Variants in IGSF22 observed in about 807,000 individuals in gnomAD.
IGSF22 encodes immunoglobulin superfamily member 22.
Under a neutral mutation model 127.0 loss-of-function variants are expected in IGSF22, and 119 were observed. The observed-to-expected ratio is 0.94, with a 90% CI of 0.81 to 1.09. The LOEUF (loss-of-function observed/expected upper bound fraction) is 1.09, where lower values mean the gene tolerates loss of function less well. Ranked by LOEUF, IGSF22 falls within the 50% of genes least tolerant of loss-of-function variation. IGSF22 has a pLI of 0.00. For synonymous variants in IGSF22, 568 were observed against 664.7 expected, an observed-to-expected ratio of 0.85 and a Z score of 2.24; for missense variants, 1,518 against 1,716.6, an observed-to-expected ratio of 0.88 and a Z score of 2.04.
At chr11:18,722,626 A>AT (rs1425988749) in intron 2 of IGSF22, among the ~76,000 whole-genome samples, 1 of 148,190 alleles carries the variant, frequency 6.7e-6, no homozygotes. Context: ...GGAAAACAAA[A>AT]AAAACTGTTT....
intron 15 of IGSF22, 140 bp from the exon 16 acceptor site, chr11:18,710,968 G>T: frequency 2.8e-6 from 2 of 724,612 alleles, no homozygotes; most frequent in South Asian, 2.0e-5. Context: ...TAGAGACAAG[G>T]TCTCACTCTG....
Position 18,709,776 on chromosome 11 carries a change from C to T in IGSF22, c.2702-93G>A. The T allele has an allele frequency of 7.9e-7, 1 of 1,269,270 alleles. No homozygotes were observed. The highest frequency in any genetic ancestry group is 1.5e-5 in the South Asian group (1 of 67,964). 78.6% of individuals were successfully genotyped at this position (1,269,270 alleles called of 1,614,324 possible). ...ACACTCAATACTCCTGAACCCCATC[C>T]TTCACTACTTCTAGCTCCAGATCCC... On this transcript the variant is annotated intron_variant, in intron 17 of 22. Transcript: ENST00000513874. The surrounding 1 kb of genome is among the most constrained non-coding windows in gnomAD (Gnocchi z 4.8).
At chr11:18,705,384 C>A in intron 22 of IGSF22, 1 of 175,658 alleles carries the variant, frequency 5.7e-6, no homozygotes, top group Non-Finnish European at 1.2e-5. Flanking sequence ...CGCTCCTTCC[C>A]TTGTTTGTGC....
At position 18,706,994 on chromosome 11, in the gene IGSF22, AAGT is replaced by A. The variant is rs1848248923; in HGVS notation, c.3497_3499del (p.Tyr1166del). 4 of 1,550,692 alleles carry A rather than the reference AAGT, an allele frequency of 2.6e-6. No homozygotes were observed. Among genetic ancestry groups the A allele is most frequent in the Non-Finnish European group, 2.6e-6 (3 of 1,146,452 alleles). The stretch of plus-strand genomic sequence containing the variant: ...GATTTCATTCCGAGCCACCACTCTG[AAGT>A]AGTACTTCCTGCCTGGGAGCAGCCC... On this transcript the variant is annotated inframe_deletion, in exon 21 of 23. Coordinates refer to ENST00000513874, the MANE Select transcript of IGSF22 (RefSeq NM_173588.4).
chr11:18,716,052 G>A lies in IGSF22; in HGVS notation c.1247-336C>T, dbSNP rs1033768393. On this transcript the variant is annotated intron_variant, in intron 10 of 22. Transcript: ENST00000513874. The surrounding 1 kb of genome is among the most constrained non-coding windows in gnomAD (Gnocchi z 4.5). ...ACCTGCATTGTCTTTCTAATGTCTG[G>A]ACATTTATACATGCTATTACCTCTG... Among the ~76,000 whole-genome samples the A allele has an allele frequency of 3.3e-5, 5 of 152,062 alleles. No homozygotes were observed. The highest frequency in any genetic ancestry group is 6.5e-5 in the Admixed American group (1 of 15,270).
chr11:18,708,829 TTC>T (rs1457741211), intron 18 of IGSF22, among the ~76,000 whole-genome samples: 1 of 152,254 alleles, frequency 6.6e-6, no homozygotes. Context: ...CCAGCCATTA[TTC>T]CAGAGATCAC....
chr11:18,719,329 T>TTG (rs546054751), intron 7 of IGSF22, among the ~76,000 whole-genome samples: 6 of 100,892 alleles, frequency 5.9e-5, no homozygotes, highest in East Asian at 5.1e-4. Flanking sequence ...TGTTTTTTTT[T>TTG]GTTTTTTTTG....
At chr11:18,710,176 T>C (rs1848324296) in intron 17 of IGSF22, 151 bp downstream of exon 17, 5 of 1,010,078 alleles carry the variant, frequency 5.0e-6, no homozygotes, top group Non-Finnish European at 7.3e-6. Flanking sequence ...CTTTCTCTTG[T>C]GTGTGAATCT....
chr11:18,725,980 C>T (rs1001130191), intron 1 of IGSF22, 94 bp downstream of exon 1: 3 of 152,478 alleles, frequency 2.0e-5, no homozygotes, highest in African/African-American at 7.2e-5. Context: ...AGACTACTCC[C>T]CTGTTCCTAT....
chr11:18,716,742 T>G lies in IGSF22; in HGVS notation c.1232A>C (p.Gln411Pro). The change falls in exon 10 of 23, where the codon CAG (glutamine) becomes CCG (proline). Residue 411 changes from glutamine (Q) to proline (P), a missense_variant. Transcript: ENST00000513874. This position sits in a 1 kb window ranked among gnomAD's most constrained non-coding sequence, Gnocchi z 4.5. ...AEAGNLVQKAQLTVDRIPIKF... is the reference protein window; with the variant it reads ...AEAGNLVQKAPLTVDRIPIKF... ...CAACCACTCACGGTCAACAGTGAGC[T>G]GGGCCTTTTGTACCAGGTTCCCCGC... is the stretch of plus-strand genomic sequence containing the variant. The G allele has an allele frequency of 6.2e-7, 1 of 1,614,096 alleles. No individual in the cohort carries two copies. Among genetic ancestry groups the G allele is most frequent in the East Asian group, 2.2e-5 (1 of 44,882 alleles).
chr11:18,715,724 C>T lies in IGSF22; in HGVS notation c.1247-8G>A, dbSNP rs374696355. The T allele has an allele frequency of 1.1e-4, 169 of 1,601,960 alleles. 1 individual carries two copies. The highest frequency in any genetic ancestry group is 1.4e-4 in the Non-Finnish European group (169 of 1,173,774). Reference sequence around the variant, plus strand: ...CAAACTTGATGGGGATGCCTGTGGACAGACAGACACTTGGGCCTGCTCCCA... The same window carrying T: ...CAAACTTGATGGGGATGCCTGTGGATAGACAGACACTTGGGCCTGCTCCCA... On this transcript the variant is annotated splice_polypyrimidine_tract_variant and splice_region_variant and intron_variant, in intron 10 of 22. Transcript: ENST00000513874.
chr11:18,714,455 C>T, intron 12 of IGSF22, 37 bp from the exon 13 acceptor site: 4 of 1,614,130 alleles, frequency 2.5e-6, no homozygotes, highest in Non-Finnish European at 3.4e-6. Flanking sequence ...TGAGCATAGG[C>T]CAGGTCTACC....
intron 22 of IGSF22, 119 bp from the exon 23 acceptor site, chr11:18,704,657 G>T: frequency 1.4e-6 from 1 of 691,010 alleles, no homozygotes; most frequent in Middle Eastern, 2.4e-4. Flanking sequence ...TTAATCTTGG[G>T]TTGGCAGAGT....
chr11:18,724,022 G>A (rs1415927144), intron 2 of IGSF22, 106 bp downstream of exon 2: 2 of 773,050 alleles, frequency 2.6e-6, no homozygotes, highest in Non-Finnish European at 4.4e-6. Flanking sequence ...GGTATTGTGG[G>A]CTCCAGAGGG....
Position 18,712,171 on chromosome 11 carries a change from T to C in IGSF22, c.2309A>G (p.Lys770Arg). 6.4e-7 allele frequency: 1 copy of C among 1,551,732 alleles called. No homozygotes were observed. Among genetic ancestry groups the C allele is most frequent in the South Asian group, 1.2e-5 (1 of 84,060 alleles). ...NFSTNKVEEG[K>R]AYQFRILAVN... Reference sequence around the variant, plus strand: ...TGCCAGGATACGGAACTGGTAGGCTTTTCCCTCTTCCACCTTGTTGGTGGA... The same window carrying C: ...TGCCAGGATACGGAACTGGTAGGCTCTTCCCTCTTCCACCTTGTTGGTGGA... Residue 770 changes from lysine (K) to arginine (R), a missense_variant, in exon 15 of 23, where the codon AAA (lysine) becomes AGA (arginine). By Grantham distance (26) the Lys-to-Arg change is conservative. Coordinates refer to ENST00000513874, the MANE Select transcript of IGSF22 (RefSeq NM_173588.4).
chr11:18,710,532 G>A, intron 16 of IGSF22, 77 bp from the exon 17 acceptor site: 1 of 1,593,232 alleles, frequency 6.3e-7, no homozygotes. Context: ...CATAGAAGAG[G>A]AGGTCATGGG....
At chr11:18,718,235 T>C in intron 8 of IGSF22, 142 bp from the exon 9 acceptor site, 1 of 761,010 alleles carries the variant, frequency 1.3e-6, no homozygotes, top group Non-Finnish European at 2.1e-6. Context: ...CTCTATAGCC[T>C]CATCATCTGG....
At chr11:18,722,599 A>T (rs1848593241) in intron 2 of IGSF22, among the ~76,000 whole-genome samples, 1 of 140,456 alleles carries the variant, frequency 7.1e-6, no homozygotes, top group Non-Finnish European at 1.5e-5. Flanking sequence ...TCAATGTGGA[A>T]ATATAATTTT....
Position 18,724,166 on chromosome 11 carries a change from T to G in IGSF22, c.71A>C (p.His24Pro), listed in dbSNP as rs890301877. 12 of 1,613,766 alleles carry G rather than the reference T, an allele frequency of 7.4e-6. No homozygotes were observed. The highest frequency in any genetic ancestry group is 1.0e-5 in the Non-Finnish European group (12 of 1,179,876). Residue 24 changes from histidine (H) to proline (P), a missense_variant, in exon 2 of 23, where the codon CAC (histidine) becomes CCC (proline). This residue lies in a region of IGSF22 where 1,456 missense variants were observed against 1,644.9 expected (regional missense o/e 0.89). Coordinates refer to ENST00000513874, the MANE Select transcript of IGSF22 (RefSeq NM_173588.4). ...VSMEFSSSTT[H>P]VQTFSQTTKI... The stretch of plus-strand genomic sequence containing the variant: ...GGTTGTCTGGGAGAAGGTCTGCACG[T>G]GGGTGGTGGAGCTGGAGAACTCCAT...
Sources: gnomAD v4.1 joint callset for allele counts (sites outside exome capture counted in the v4.1 genomes callset) on GRCh38, gnomAD v4.1.1 for gene constraint, gnomAD v4.1.1 regional missense constraint, Gnocchi (gnomAD v3.1) non-coding constraint, MANE v1.5 for transcripts, NCBI Gene and HGNC (gene_info 2026-07-23, HGNC 2026-07-21) for gene names.